The following KCNH8 variants were observed in gnomAD, a reference collection of about 807,000 sequenced individuals.
The protein encoded by KCNH8 is voltage-gated delayed rectifier potassium channel KCNH8.
In KCNH8, 70 loss-of-function variants were observed where a neutral mutation model predicts 103.6. That is an observed-to-expected ratio of 0.68 (90% CI 0.56 to 0.82). KCNH8 has a LOEUF of 0.82. Among genes scored for constraint, KCNH8 ranks in the 40% least tolerant of loss-of-function variants. The pLI is 0.00. For synonymous variants in KCNH8, 498 were observed against 489.4 expected (o/e 1.02, Z -0.23); for missense variants, 1,217 against 1,329.9 (o/e 0.92, Z 1.32).
At chr3:19,489,070 G>A (rs570161115) in intron 11 of KCNH8, among the ~76,000 whole-genome samples, 19 of 152,268 alleles carry the variant, frequency 1.2e-4, no homozygotes, top group Admixed American at 3.3e-4. Context: ...TTCTCTCAGG[G>A]GCATTTGGAT....
chr3:19,227,383 T>G (rs1291467457), intron 1 of KCNH8, among the ~76,000 whole-genome samples: 1 of 152,194 alleles, frequency 6.6e-6, no homozygotes, highest in Admixed American at 6.5e-5. Flanking sequence ...TACATGACAC[T>G]TTTCTCTATT....
chr3:19,511,586 T>C (rs2068783814), intron 12 of KCNH8, among the ~76,000 whole-genome samples: 1 of 152,176 alleles, frequency 6.6e-6, no homozygotes. Context: ...TATACAAATG[T>C]TCCCCTGTAA....
intron 2 of KCNH8, among the ~76,000 whole-genome samples, chr3:19,269,195 G>A (rs749848797): frequency 3.9e-5 from 6 of 151,950 alleles, no homozygotes; most frequent in Non-Finnish European, 5.9e-5. Flanking sequence ...CTTATAACTC[G>A]GACCATCTCA....
intron 5 of KCNH8, among the ~76,000 whole-genome samples, chr3:19,371,386 T>C (rs2066092771): frequency 6.6e-6 from 1 of 151,974 alleles, no homozygotes; most frequent in South Asian, 2.1e-4. Context: ...TTTCATGTGT[T>C]TTTTGGCTGC....
At chr3:19,519,617 G>A (rs2068936914) in intron 15 of KCNH8, among the ~76,000 whole-genome samples, 1 of 150,444 alleles carries the variant, frequency 6.6e-6, no homozygotes, top group Non-Finnish European at 1.5e-5. Context: ...CAAAGACTCA[G>A]CCATGCACTG....
chr3:19,505,616 G>C lies in KCNH8; in HGVS notation c.2041-4747G>C, dbSNP rs182297600. Among the ~76,000 whole-genome samples, 4 of 152,070 alleles carry C rather than the reference G, an allele frequency of 2.6e-5. No individual in the cohort carries two copies. The East Asian group carries it at 7.8e-4, about 29-fold the overall frequency. On this transcript the variant is annotated intron_variant, in intron 11 of 15. Transcript: ENST00000328405. ...ACATTTTTTCTTACATTTCAACCTT[G>C]GAAAATCTGATGATTATGTGTCTTG...
intron 1 of KCNH8, among the ~76,000 whole-genome samples, chr3:19,195,850 A>G (rs2125213594): frequency 6.6e-6 from 1 of 152,060 alleles, no homozygotes; most frequent in South Asian, 2.1e-4. Flanking sequence ...TTTCAGAATC[A>G]TCAGTCTTGT....
At chr3:19,261,505 C>T (rs549301716) in intron 2 of KCNH8, among the ~76,000 whole-genome samples, 5 of 151,784 alleles carry the variant, frequency 3.3e-5, no homozygotes, top group African/African-American at 9.6e-5. Flanking sequence ...ACCTCATCTT[C>T]GATGTGTGGT....
chr3:19,372,745 G>T (rs1233634805), intron 5 of KCNH8, among the ~76,000 whole-genome samples: 1 of 152,022 alleles, frequency 6.6e-6, no homozygotes, highest in Non-Finnish European at 1.5e-5. Context: ...ATTGGCTGTG[G>T]GTTTGTCATA....
chr3:19,480,695 A>T (rs1055614547), intron 11 of KCNH8, among the ~76,000 whole-genome samples: 1 of 152,176 alleles, frequency 6.6e-6, no homozygotes, highest in African/African-American at 2.4e-5. Flanking sequence ...TTGCAATTCA[A>T]GCTCAATAGT....
At chr3:19,438,059 G>A in intron 7 of KCNH8, 105 bp from the exon 8 acceptor site, 1 of 880,996 alleles carries the variant, frequency 1.1e-6, no homozygotes. Flanking sequence ...TTCTTCCTCT[G>A]AGCAAATTAT....
At chr3:19,246,236 A>C (rs1264405858) in intron 1 of KCNH8, among the ~76,000 whole-genome samples, 3 of 149,536 alleles carry the variant, frequency 2.0e-5, no homozygotes, top group Non-Finnish European at 4.4e-5. Context: ...ATTCAAATGA[A>C]TGATTAAATA....
At chr3:19,510,582 A>G (rs1266338828) in intron 12 of KCNH8, among the ~76,000 whole-genome samples, 181 bp downstream of exon 12, 1 of 152,198 alleles carries the variant, frequency 6.6e-6, no homozygotes, top group African/African-American at 2.4e-5. Flanking sequence ...ATTGAAACTC[A>G]TAGTTCTATG....
intron 1 of KCNH8, among the ~76,000 whole-genome samples, chr3:19,180,681 T>G (rs1181625907): frequency 2.0e-5 from 3 of 152,128 alleles, no homozygotes; most frequent in East Asian, 1.9e-4. Context: ...GTATGGTTTT[T>G]TTTGTTTGTT....
At chr3:19,197,242 C>T (rs1471828761) in intron 1 of KCNH8, among the ~76,000 whole-genome samples, 1 of 151,928 alleles carries the variant, frequency 6.6e-6, no homozygotes, top group Non-Finnish European at 1.5e-5. Flanking sequence ...ACAATTTTGC[C>T]CTCTATACCC....
At chr3:19,429,999 T>G (rs1327336569) in intron 7 of KCNH8, among the ~76,000 whole-genome samples, 2 of 152,340 alleles carry the variant, frequency 1.3e-5, no homozygotes, top group Non-Finnish European at 2.9e-5. Context: ...ATGTCTTTGC[T>G]CTTGTGAATA....
intron 3 of KCNH8, among the ~76,000 whole-genome samples, chr3:19,323,721 C>T (rs942212414): frequency 2.0e-5 from 3 of 152,112 alleles, no homozygotes; most frequent in South Asian, 2.1e-4. Context: ...TCTTCCCTTT[C>T]CCCTAAGGAT....
intron 1 of KCNH8, among the ~76,000 whole-genome samples, chr3:19,209,019 T>C (rs1348706813): frequency 6.6e-6 from 1 of 151,994 alleles, no homozygotes; most frequent in Non-Finnish European, 1.5e-5. Context: ...TATGTCTATA[T>C]CTATACCTGT....
chr3:19,478,725 C>T (rs539859261), intron 11 of KCNH8, among the ~76,000 whole-genome samples: 2 of 152,174 alleles, frequency 1.3e-5, no homozygotes, highest in African/African-American at 4.8e-5. Flanking sequence ...AGGAAATGAA[C>T]GTTCCCAAAA....
Sources: allele counts gnomAD v4.1 joint callset (sites outside exome capture counted in the v4.1 genomes callset), GRCh38; gene constraint gnomAD v4.1.1; transcripts MANE v1.5; gene names NCBI Gene and HGNC (gene_info 2026-07-23, HGNC 2026-07-21).